DNAL1: variants seen among roughly 807,000 people sequenced by gnomAD.
DNAL1 encodes the protein dynein axonemal light chain 1, also known as chromosome 14 open reading frame 168.
In DNAL1, 17 loss-of-function variants were observed where a neutral mutation model predicts 29.4. The observed-to-expected ratio is 0.58, with a 90% CI of 0.40 to 0.87. The LOEUF (loss-of-function observed/expected upper bound fraction) is 0.87. DNAL1 is among the 40% of genes least tolerant of loss of function. The probability of loss-of-function intolerance (pLI) is 0.00; values close to 1 mark genes in which losing one functional copy is unlikely to be tolerated. For synonymous variants in DNAL1, 78 were observed against 76.3 expected (o/e 1.02, Z -0.12); for missense variants, 188 against 214.1 (o/e 0.88, Z 0.76).
intron 4 of DNAL1, among the ~76,000 whole-genome samples, chr14:73,663,857 C>G (rs1384583695): frequency 6.6e-6 from 1 of 152,206 alleles, no homozygotes; most frequent in Non-Finnish European, 1.5e-5. Flanking sequence ...AGAAACTCCT[C>G]TCACCTCTGT....
intron 5 of DNAL1, among the ~76,000 whole-genome samples, chr14:73,682,455 C>CT (rs1442253446): frequency 1.3e-5 from 2 of 150,310 alleles, no homozygotes; most frequent in African/African-American, 2.4e-5. Context: ...TCCCAAAGTG[C>CT]TGGGATTACA....
At chr14:73,646,408 C>T (rs1204861736) in intron 1 of DNAL1, among the ~76,000 whole-genome samples, 2 of 150,716 alleles carry the variant, frequency 1.3e-5, no homozygotes, top group Non-Finnish European at 3.0e-5. Context: ...TTTTACTATA[C>T]TGAATACTGT....
intron 2 of DNAL1, 108 bp from the exon 3 acceptor site, chr14:73,658,739 C>A: frequency 2.7e-6 from 2 of 733,942 alleles, no homozygotes; most frequent in South Asian, 2.2e-5. Context: ...TTGCTAAATT[C>A]TAGCAATTGT....
In DNAL1 at chr14:73,696,502, C is replaced by T. The variant is rs999404237; in HGVS notation, c.*560C>T. The T allele has an allele frequency of 5.9e-5, 9 of 152,524 alleles. No individual in the cohort carries two copies. The highest frequency in any genetic ancestry group is 5.9e-4 in the Admixed American group (9 of 15,272). The allele number at this position is 152,524 out of a possible 1,614,324, so 9.4% of individuals were successfully genotyped here. A position where few individuals can be genotyped will look rare whatever the true frequency, so the allele number is the denominator to read the frequency against. ...TGGTGAAAAAAGGAAAAAGTAGTAT[C>T]TCAGAGACCTTCTAGTCTATATTAT... On this transcript the variant is annotated 3_prime_UTR_variant, in exon 8 of 8. Transcript: ENST00000553645.
In DNAL1 at chr14:73,696,405, T is replaced by G. The variant is rs1490597156; in HGVS notation, c.*463T>G. 1 of 152,770 alleles carries G rather than the reference T, an allele frequency of 6.5e-6. No individual in the cohort carries two copies. The highest frequency in any genetic ancestry group is 1.5e-5 in the Non-Finnish European group (1 of 68,184). 9.5% of individuals were successfully genotyped at this position (152,770 alleles called of 1,614,324 possible). A position where few individuals can be genotyped will look rare whatever the true frequency, so the allele number is the denominator to read the frequency against. On this transcript the variant is annotated 3_prime_UTR_variant, in exon 8 of 8. Transcript: ENST00000553645. ...GCCTTTAGCTCAGAAGGCAGCATGG[T>G]GATGGGAAGAGTTCCTCTTAGAAAT...
chr14:73,691,026 C>T (rs1441297480), intron 7 of DNAL1, among the ~76,000 whole-genome samples: 2 of 152,136 alleles, frequency 1.3e-5, no homozygotes, highest in Admixed American at 1.3e-4. Context: ...AGTCAAGTCC[C>T]AGCTCCTCCA....
At chr14:73,681,942 A>C (rs1295502046) in intron 5 of DNAL1, among the ~76,000 whole-genome samples, 4 of 151,648 alleles carry the variant, frequency 2.6e-5, no homozygotes, top group African/African-American at 9.7e-5. Flanking sequence ...GAGAAACCCC[A>C]TCTCTATTGA....
intron 6 of DNAL1, 120 bp downstream of exon 6, chr14:73,687,505 T>G (rs1369619985): frequency 1.7e-6 from 2 of 1,188,410 alleles, no homozygotes; most frequent in Non-Finnish European, 2.2e-6. Context: ...GTGGAAACAT[T>G]TATGGCTAAG....
chr14:73,678,632 C>G (rs545601836), intron 5 of DNAL1, among the ~76,000 whole-genome samples: 3 of 150,572 alleles, frequency 2.0e-5, no homozygotes, highest in Admixed American at 6.7e-5. Context: ...ATAGCTATCA[C>G]AATATTCAAT....
intron 4 of DNAL1, among the ~76,000 whole-genome samples, chr14:73,667,596 T>G (rs1891517621): frequency 6.6e-6 from 1 of 151,496 alleles, no homozygotes. Context: ...CCTCCTGGGC[T>G]CAAGCGATCC....
At chr14:73,645,544 C>G (rs997480429) in intron 1 of DNAL1, among the ~76,000 whole-genome samples, 2 of 152,244 alleles carry the variant, frequency 1.3e-5, no homozygotes, top group Non-Finnish European at 2.9e-5. Context: ...AAAGCACACT[C>G]TGATGGATAT....
rs368282137 is a variant in DNAL1 at position 73,672,564 on chromosome 14, C to T, written c.264+967C>T. Among the ~76,000 whole-genome samples the T allele has an allele frequency of 8.3e-3, 1,141 of 137,482 alleles. 20 individuals carry two copies. Among genetic ancestry groups the T allele is most frequent in the African/African-American group, 0.029 (1,079 of 36,706 alleles). The allele number at this position is 137,482 out of a possible 152,430, so 90.2% of individuals were successfully genotyped here. On this transcript the variant is annotated intron_variant, in intron 5 of 7. Coordinates refer to ENST00000553645, the MANE Select transcript of DNAL1 (RefSeq NM_031427.4). Reference sequence around the variant, plus strand: ...CGGAGGTTGCAGTGAGCTGAGATTGCGCCACTGCACTCCAGCCTGGGTGAC... The same window carrying T: ...CGGAGGTTGCAGTGAGCTGAGATTGTGCCACTGCACTCCAGCCTGGGTGAC...
intron 2 of DNAL1, among the ~76,000 whole-genome samples, chr14:73,656,434 C>CTT (rs558976461): frequency 1.8e-4 from 24 of 132,618 alleles, no homozygotes; most frequent in East Asian, 2.1e-4. Context: ...ACATTTTTGA[C>CTT]TTTTTTTTTT....
At chr14:73,687,748 C>T (rs913062448) in intron 6 of DNAL1, among the ~76,000 whole-genome samples, 6 of 152,080 alleles carry the variant, frequency 3.9e-5, no homozygotes, top group Non-Finnish European at 8.8e-5. Context: ...TGGCGGGCGC[C>T]TGTAGTCCCA....
intron 1 of DNAL1, among the ~76,000 whole-genome samples, chr14:73,646,485 C>T (rs1456065192): frequency 1.0e-5 from 1 of 95,676 alleles, no homozygotes; most frequent in African/African-American, 2.7e-5. Flanking sequence ...GTGGCTCACA[C>T]CTGTAATCCC....
chr14:73,656,251 G>A lies in DNAL1; in HGVS notation c.42+1366G>A, dbSNP rs114038246. On this transcript the variant is annotated intron_variant, in intron 2 of 7. Coordinates refer to ENST00000553645, the MANE Select transcript of DNAL1 (RefSeq NM_031427.4). Reference sequence around the variant, plus strand: ...TAAATGTATTTTATAATTTATTTCTGTTTTGTTAAATATTTAATGAAAAAT... The same window carrying A: ...TAAATGTATTTTATAATTTATTTCTATTTTGTTAAATATTTAATGAAAAAT... Among the ~76,000 whole-genome samples, 1,264 of 151,876 alleles carry A rather than the reference G, an allele frequency of 8.3e-3. 24 individuals are homozygous for A. Among genetic ancestry groups the A allele is most frequent in the African/African-American group, 0.029 (1,197 of 41,424 alleles).
intron 6 of DNAL1, among the ~76,000 whole-genome samples, chr14:73,688,790 C>T (rs953218882): frequency 6.6e-6 from 1 of 152,090 alleles, no homozygotes; most frequent in Non-Finnish European, 1.5e-5. Flanking sequence ...GTGATTTGTT[C>T]TTTTTGACTT....
chr14:73,645,487 A>G (rs1209565545), intron 1 of DNAL1, among the ~76,000 whole-genome samples: 1 of 152,176 alleles, frequency 6.6e-6, no homozygotes, highest in Non-Finnish European at 1.5e-5. Flanking sequence ...TGATGTACCC[A>G]GGTTGCCTTC....
intron 1 of DNAL1, among the ~76,000 whole-genome samples, chr14:73,646,281 A>C (rs1890975264): frequency 1.3e-5 from 2 of 152,382 alleles, no homozygotes; most frequent in Admixed American, 1.3e-4. Context: ...TAATGATGAC[A>C]GGGATACATT....
Sources: allele counts gnomAD v4.1 joint callset (sites outside exome capture counted in the v4.1 genomes callset), GRCh38; gene constraint gnomAD v4.1.1; transcripts MANE v1.5; gene names NCBI Gene and HGNC (gene_info 2026-07-23, HGNC 2026-07-21).